TEX44: variants seen among roughly 807,000 people sequenced by gnomAD.
TEX44 encodes the protein testis-expressed protein 44.
For synonymous variants in TEX44, 196 were observed against 205.9 expected (o/e 0.95, Z 0.41); for missense variants, 487 against 509.6 (o/e 0.96, Z 0.43).
rs1488939749 is a variant in TEX44, at chr2:231,593,139, C to T, written c.188C>T (p.Ser63Leu). Residue 63 changes from serine (S) to leucine (L), a missense_variant, in exon 1 of 1, where the codon TCA (serine) becomes TTA (leucine). Transcript: ENST00000313965. Reference protein sequence around the residue: ...SFKTATPRAISTSGDKDKSAV... With the variant: ...SFKTATPRAILTSGDKDKSAV... ...AAGACGGCCACCCCCAGGGCCATAT[C>T]AACATCTGGAGACAAAGACAAGAGT... The T allele has an allele frequency of 1.2e-6, 2 of 1,614,148 alleles. No individual in the cohort carries two copies. Among genetic ancestry groups the T allele is most frequent in the South Asian group, 2.2e-5 (2 of 91,086 alleles).
rs765888342 is a variant in TEX44, at chr2:231,593,073, T to C, written c.122T>C (p.Val41Ala). ...GATGTCTTGGCAGTGAGCAGCTCTG[T>C]CGCATCCACTGACTGGCAGGATATA... ...TADVLAVSSS[V>A]ASTDWQDIDQ... Residue 41 changes from valine (V) to alanine (A), a missense_variant, in exon 1 of 1, where the codon GTC (valine) becomes GCC (alanine). Coordinates refer to ENST00000313965, the MANE Select transcript of TEX44 (RefSeq NM_152614.3). 6.8e-6 allele frequency: 11 copies of C among 1,614,130 alleles called. No homozygotes were observed. The highest frequency in any genetic ancestry group is 1.6e-4 in the Middle Eastern group (1 of 6,062).
At position 231,594,080 on chromosome 2, in the gene TEX44, C is replaced by A. The variant is rs201411003; in HGVS notation, c.1129C>A (p.Arg377Ser). The stretch of plus-strand genomic sequence containing the variant: ...CGTGGAGGGCATCCGCTCAGCCATG[C>A]GCTACCTGACCAGCCACCTCACCCC... The part of the protein sequence containing the change: ...RTVEGIRSAM[R>S]YLTSHLTPRQ... The change falls in exon 1 of 1, where the codon CGC becomes AGC. Residue 377 changes from arginine to serine, a missense_variant. Arg to Ser is a moderately radical substitution (Grantham distance 110). Coordinates refer to ENST00000313965, the MANE Select transcript of TEX44 (RefSeq NM_152614.3). The A allele has an allele frequency of 1.3e-5, 21 of 1,613,284 alleles. No homozygotes were observed. The highest frequency in any genetic ancestry group is 1.0e-4 in the Admixed American group (6 of 59,992).
chr2:231,592,990 C>T lies in TEX44; in HGVS notation c.39C>T (p.Asp13=), dbSNP rs539133425. Residue 13 remains aspartate (D), a synonymous_variant, in exon 1 of 1, where the codon GAC becomes GAT. Transcript: ENST00000313965. ...GGTACCCCCTGGGCAACGTGGATGA[C>T]AGCAGGTCTAAGGACAGCCCAGCAG... ...LPGYPLGNVD[D]SRSKDSPAGE... is the part of the protein sequence containing the mutation. The T allele has an allele frequency of 5.6e-6, 9 of 1,613,934 alleles. No individual in the cohort carries two copies. Among genetic ancestry groups the T allele is most frequent in the East Asian group, 4.5e-5 (2 of 44,848 alleles).
Position 231,593,411 on chromosome 2 carries a change from G to A in TEX44, c.460G>A (p.Ala154Thr), listed in dbSNP as rs1156627816. The A allele has an allele frequency of 9.3e-6, 15 of 1,614,126 alleles. No individual in the cohort carries two copies. The highest frequency in any genetic ancestry group is 1.3e-5 in the Non-Finnish European group (15 of 1,180,052). ...GGAGTCAGCCCCCTCTGCCCCGAGTGCTGAGCTACAGTCCACCCAGCACAT... is the reference window on the plus strand; with the variant it reads ...GGAGTCAGCCCCCTCTGCCCCGAGTACTGAGCTACAGTCCACCCAGCACAT... ...EPESAPSAPS[A>T]ELQSTQHMEA... Residue 154 changes from alanine (A) to threonine (T), a missense_variant, in exon 1 of 1, where the codon GCT becomes ACT. Coordinates refer to ENST00000313965, the MANE Select transcript of TEX44 (RefSeq NM_152614.3).
In TEX44 at chr2:231,594,069, G is replaced by A. The variant is rs762488054; in HGVS notation, c.1118G>A (p.Arg373His). 35 of 1,613,082 alleles carry A rather than the reference G, an allele frequency of 2.2e-5. 1 individual carries two copies. Among genetic ancestry groups the A allele is most frequent in the Admixed American group, 1.5e-4 (9 of 59,998 alleles). Residue 373 changes from arginine to histidine, a missense_variant, in exon 1 of 1, where the codon CGC (arginine) becomes CAC (histidine). By Grantham distance (29) the Arg-to-His change is conservative. Transcript: ENST00000313965. Reference protein sequence around the residue: ...TVEQRTVEGIRSAMRYLTSHL... With the variant: ...TVEQRTVEGIHSAMRYLTSHL... ...GAGCAGAGGACCGTGGAGGGCATCC[G>A]CTCAGCCATGCGCTACCTGACCAGC...
Position 231,593,061 on chromosome 2 carries a change from T to C in TEX44, c.110T>C (p.Val37Ala). Residue 37 changes from valine to alanine, a missense_variant, in exon 1 of 1, where the codon GTG becomes GCG. Physicochemically the swap from Val to Ala is moderately conservative, Grantham distance 64. Transcript: ENST00000313965. ...CCACTCACAGCAGATGTCTTGGCAG[T>C]GAGCAGCTCTGTCGCATCCACTGAC... ...QVPLTADVLA[V>A]SSSVASTDWQ... 1 of 1,614,130 alleles carries C rather than the reference T, an allele frequency of 6.2e-7. No individual in the cohort carries two copies. The highest frequency in any genetic ancestry group is 8.5e-7 in the Non-Finnish European group (1 of 1,180,006).
Position 231,592,971 on chromosome 2 carries a change from C to G in TEX44, c.20C>G (p.Pro7Arg). The change falls in exon 1 of 1, where the codon CCC (proline) becomes CGC (arginine). Residue 7 changes from proline to arginine, a missense_variant. Pro to Arg is a moderately radical substitution (Grantham distance 103). Coordinates refer to ENST00000313965, the MANE Select transcript of TEX44 (RefSeq NM_152614.3). MALPGY[P>R]LGNVDDSRSK... Reference sequence around the variant, plus strand: ...CCATACATGGCACTCCCAGGGTACCCCCTGGGCAACGTGGATGACAGCAGG... The same window carrying G: ...CCATACATGGCACTCCCAGGGTACCGCCTGGGCAACGTGGATGACAGCAGG... 6.2e-7 allele frequency: 1 copy of G among 1,613,926 alleles called. No individual in the cohort carries two copies. Among genetic ancestry groups the G allele is most frequent in the Non-Finnish European group, 8.5e-7 (1 of 1,179,962 alleles).
rs965945607 is a variant in TEX44 at position 231,593,107 on chromosome 2, C to G, written c.156C>G (p.Ala52=). 1.2e-5 allele frequency: 20 copies of G among 1,614,010 alleles called. No individual in the cohort carries two copies. In the Admixed American group the frequency reaches 1.7e-4, roughly 13 times the overall value. Reference sequence around the variant, plus strand: ...CTGACTGGCAGGATATAGATCAGGCCTCCTTCAAGACGGCCACCCCCAGGG... The same window carrying G: ...CTGACTGGCAGGATATAGATCAGGCGTCCTTCAAGACGGCCACCCCCAGGG... ...ASTDWQDIDQ[A]SFKTATPRAI... The change falls in exon 1 of 1, where the codon GCC becomes GCG. Residue 52 remains alanine (A), a synonymous_variant. Transcript: ENST00000313965.
rs372551331 is a variant in TEX44 at position 231,593,112 on chromosome 2, T to C, written c.161T>C (p.Phe54Ser). ...TGGCAGGATATAGATCAGGCCTCCTTCAAGACGGCCACCCCCAGGGCCATA... is the reference window on the plus strand; with the variant it reads ...TGGCAGGATATAGATCAGGCCTCCTCCAAGACGGCCACCCCCAGGGCCATA... ...TDWQDIDQAS[F>S]KTATPRAIST... Residue 54 changes from phenylalanine to serine, a missense_variant, in exon 1 of 1, where the codon TTC (phenylalanine) becomes TCC (serine). Phe to Ser is a radical substitution (Grantham distance 155, BLOSUM62 -2). Transcript: ENST00000313965. 2.5e-6 allele frequency: 4 copies of C among 1,613,906 alleles called. No individual in the cohort carries two copies. In the African/African-American group the frequency reaches 5.3e-5, roughly 22 times the overall value.
In TEX44 at chr2:231,593,421, A is replaced by T; in HGVS notation, c.470A>T (p.Gln157Leu). Residue 157 changes from glutamine to leucine, a missense_variant, in exon 1 of 1, where the codon CAG (glutamine) becomes CTG (leucine). Transcript: ENST00000313965. Reference protein sequence around the residue: ...SAPSAPSAELQSTQHMEAQPV... With the variant: ...SAPSAPSAELLSTQHMEAQPV... Reference sequence around the variant, plus strand: ...CCCTCTGCCCCGAGTGCTGAGCTACAGTCCACCCAGCACATGGAGGCTCAG... The same window carrying T: ...CCCTCTGCCCCGAGTGCTGAGCTACTGTCCACCCAGCACATGGAGGCTCAG... 6.2e-7 allele frequency: 1 copy of T among 1,614,224 alleles called. No individual in the cohort carries two copies. Among genetic ancestry groups the T allele is most frequent in the Non-Finnish European group, 8.5e-7 (1 of 1,180,036 alleles).
Position 231,594,082 on chromosome 2 carries a change from C to T in TEX44, c.1131C>T (p.Arg377=). The T allele has an allele frequency of 1.2e-6, 2 of 1,613,498 alleles. No homozygotes were observed. Among genetic ancestry groups the T allele is most frequent in the Non-Finnish European group, 1.7e-6 (2 of 1,180,012 alleles). ...RTVEGIRSAM[R]YLTSHLTPRQ... Reference sequence around the variant, plus strand: ...TGGAGGGCATCCGCTCAGCCATGCGCTACCTGACCAGCCACCTCACCCCAC... The same window carrying T: ...TGGAGGGCATCCGCTCAGCCATGCGTTACCTGACCAGCCACCTCACCCCAC... The change falls in exon 1 of 1, where the codon CGC becomes CGT. Residue 377 remains arginine (R), a synonymous_variant. Transcript: ENST00000313965.
chr2:231,593,012 G>A lies in TEX44; in HGVS notation c.61G>A (p.Ala21Thr), dbSNP rs1325748594. 7.4e-6 allele frequency: 12 copies of A among 1,613,968 alleles called. No individual in the cohort carries two copies. The highest frequency in any genetic ancestry group is 1.0e-5 in the Non-Finnish European group (12 of 1,180,018). ...TGACAGCAGGTCTAAGGACAGCCCA[G>A]CAGGAGAGCCCCAAGGTCAGGTCCC... ...VDDSRSKDSP[A>T]GEPQGQVPLT... is the part of the protein sequence containing the mutation. Residue 21 changes from alanine to threonine, a missense_variant, in exon 1 of 1, where the codon GCA (alanine) becomes ACA (threonine). Coordinates refer to ENST00000313965, the MANE Select transcript of TEX44 (RefSeq NM_152614.3).
Position 231,592,896 on chromosome 2 carries a change from A to C in TEX44, c.-56A>C. On this transcript the variant is annotated 5_prime_UTR_variant, in exon 1 of 1. Transcript: ENST00000313965. ...CCAACCGCCACAAGCAGCAAAGGGC[A>C]TAGATGACCACAGGAGAGCCCTAGG... The C allele has an allele frequency of 7.0e-7, 1 of 1,429,148 alleles. No individual in the cohort carries two copies. Among genetic ancestry groups the C allele is most frequent in the East Asian group, 2.3e-5 (1 of 43,802 alleles). 88.5% of individuals were successfully genotyped at this position (1,429,148 alleles called of 1,614,324 possible). A position where few individuals can be genotyped will look rare whatever the true frequency, so the allele number is the denominator to read the frequency against.
chr2:231,594,079 G>A lies in TEX44; in HGVS notation c.1128G>A (p.Met376Ile), dbSNP rs2106186948. Residue 376 changes from methionine (M) to isoleucine (I), a missense_variant, in exon 1 of 1, where the codon ATG (methionine) becomes ATA (isoleucine). Coordinates refer to ENST00000313965, the MANE Select transcript of TEX44 (RefSeq NM_152614.3). ...CCGTGGAGGGCATCCGCTCAGCCAT[G>A]CGCTACCTGACCAGCCACCTCACCC... is the stretch of plus-strand genomic sequence containing the variant. ...QRTVEGIRSA[M>I]RYLTSHLTPR... 2 of 1,612,116 alleles carry A rather than the reference G, an allele frequency of 1.2e-6. No individual in the cohort carries two copies. The highest frequency in any genetic ancestry group is 1.4e-5 in the African/African-American group (1 of 73,786).
Position 231,593,294 on chromosome 2 carries a change from G to A in TEX44, c.343G>A (p.Ala115Thr), listed in dbSNP as rs765827177. 1.1e-5 allele frequency: 17 copies of A among 1,614,092 alleles called. No individual in the cohort carries two copies. Among genetic ancestry groups the A allele is most frequent in the South Asian group, 4.4e-5 (4 of 91,092 alleles). Residue 115 changes from alanine to threonine, a missense_variant, in exon 1 of 1, where the codon GCA becomes ACA. Transcript: ENST00000313965. ...AGCGTGGGACAGGCAGGTTCAAGAC[G>A]CAAGGACAAGTCAGAGTCTAGTGGT... ...NPAWDRQVQDARTSQSLVVFP... is the reference protein window; with the variant it reads ...NPAWDRQVQDTRTSQSLVVFP...
rs2047777377 is a variant in TEX44, at chr2:231,593,585, T to C, written c.634T>C (p.Ser212Pro). 6.2e-7 allele frequency: 1 copy of C among 1,613,808 alleles called. No homozygotes were observed. The highest frequency in any genetic ancestry group is 1.1e-5 in the South Asian group (1 of 91,090). The change falls in exon 1 of 1, where the codon TCT becomes CCT. Residue 212 changes from serine to proline, a missense_variant. Ser to Pro is a moderately conservative substitution (Grantham distance 74). Transcript: ENST00000313965. ...APHPEAEALP[S>P]DESPVAMGAN... ...ACACCCTGAAGCTGAAGCTTTACCA[T>C]CTGATGAGTCCCCAGTGGCAATGGG...
At position 231,592,869 on chromosome 2, in the gene TEX44, C is replaced by T. The variant is rs998084961; in HGVS notation, c.-83C>T. On this transcript the variant is annotated 5_prime_UTR_variant, in exon 1 of 1. Transcript: ENST00000313965. ...AGCCCAGCTGGGTTGCAGCCACTCC[C>T]TCCAACCGCCACAAGCAGCAAAGGG... The T allele has an allele frequency of 2.5e-5, 30 of 1,186,828 alleles. No homozygotes were observed. Among genetic ancestry groups the T allele is most frequent in the African/African-American group, 4.5e-5 (3 of 65,968 alleles). 73.5% of individuals were successfully genotyped at this position (1,186,828 alleles called of 1,614,324 possible). A position where few individuals can be genotyped will look rare whatever the true frequency, so the allele number is the denominator to read the frequency against.
chr2:231,592,969 C>T lies in TEX44; in HGVS notation c.18C>T (p.Tyr6=). The change falls in exon 1 of 1, where the codon TAC becomes TAT. Residue 6 remains tyrosine, a synonymous_variant. Coordinates refer to ENST00000313965, the MANE Select transcript of TEX44 (RefSeq NM_152614.3). MALPG[Y]PLGNVDDSRS... ...CCCCATACATGGCACTCCCAGGGTA[C>T]CCCCTGGGCAACGTGGATGACAGCA... The T allele has an allele frequency of 6.2e-7, 1 of 1,613,186 alleles. No individual in the cohort carries two copies. Among genetic ancestry groups the T allele is most frequent in the South Asian group, 1.1e-5 (1 of 91,060 alleles).
In TEX44 at chr2:231,593,283, A is replaced by G. The variant is rs2047773972; in HGVS notation, c.332A>G (p.Gln111Arg). ...CTTCAGAATCCAGCGTGGGACAGGC[A>G]GGTTCAAGACGCAAGGACAAGTCAG... is the stretch of plus-strand genomic sequence containing the variant. ...MSLQNPAWDR[Q>R]VQDARTSQSL... Residue 111 changes from glutamine (Q) to arginine (R), a missense_variant, in exon 1 of 1, where the codon CAG (glutamine) becomes CGG (arginine). Gln to Arg is a conservative substitution (Grantham distance 43, BLOSUM62 1). Transcript: ENST00000313965. The G allele has an allele frequency of 6.2e-7, 1 of 1,614,204 alleles. No individual in the cohort carries two copies. Among genetic ancestry groups the G allele is most frequent in the Non-Finnish European group, 8.5e-7 (1 of 1,180,038 alleles).
Sources: allele counts gnomAD v4.1 joint callset, GRCh38; gene constraint gnomAD v4.1.1; transcripts MANE v1.5; gene names NCBI Gene and HGNC (gene_info 2026-07-23, HGNC 2026-07-21).